WFDC1: variants seen among roughly 807,000 people sequenced by gnomAD.
WFDC1 encodes WAP four-disulfide core domain protein 1.
WFDC1 carries 39 observed loss-of-function variants against 32.9 expected under a neutral mutation model. The ratio of observed to expected loss-of-function variants is 1.19; its 90% confidence interval spans 0.92 to 1.55. The LOEUF is 1.55. Ranked by LOEUF, WFDC1 falls within the 40% of genes most tolerant of loss-of-function variation. The pLI is 0.00. For missense variants in WFDC1, 386 were observed against 309.5 expected (o/e 1.25, Z -1.85); for synonymous variants, 184 against 137.4 (o/e 1.34, Z -2.37).
At chr16:84,311,798 G>T (rs1223241544) in intron 1 of WFDC1, among the ~76,000 whole-genome samples, 18 of 149,402 alleles carry the variant, frequency 1.2e-4, no homozygotes, top group African/African-American at 4.5e-4. Context: ...TTGACTTCTG[G>T]AAATGCTGGG....
chr16:84,321,574 A>G (rs1385418139), intron 4 of WFDC1, among the ~76,000 whole-genome samples: 2 of 152,236 alleles, frequency 1.3e-5, no homozygotes, highest in African/African-American at 4.8e-5. Context: ...TATGATGTCT[A>G]AGACCAAGGT....
At chr16:84,301,327 G>A (rs951614090) in intron 1 of WFDC1, among the ~76,000 whole-genome samples, 5 of 152,222 alleles carry the variant, frequency 3.3e-5, no homozygotes, top group Admixed American at 1.3e-4. Context: ...AAGGGAGTCA[G>A]CTTCTGTTGG....
chr16:84,318,381 C>T (rs748839791), intron 3 of WFDC1, 26 bp downstream of exon 3: 1 of 1,610,714 alleles, frequency 6.2e-7, no homozygotes, highest in Admixed American at 1.7e-5. Flanking sequence ...AGCCCAGACC[C>T]TACATCCAAG....
intron 1 of WFDC1, among the ~76,000 whole-genome samples, chr16:84,299,803 A>G (rs760263424): frequency 3.3e-5 from 5 of 152,212 alleles, no homozygotes; most frequent in Non-Finnish European, 7.3e-5. Flanking sequence ...CTGCCCAGAG[A>G]TGCCTGTCCT....
rs528183834 is a variant in WFDC1 at position 84,316,218 on chromosome 16, C to A, written c.338-2054C>A. The A allele has an allele frequency of 2.6e-5, 4 of 152,298 alleles. No homozygotes were observed. In the Middle Eastern group the frequency reaches 0.014, roughly 518 times the overall value. The allele number at this position is 152,298 out of a possible 1,614,324, so 9.4% of individuals were successfully genotyped here. A position where few individuals can be genotyped will look rare whatever the true frequency, so the allele number is the denominator to read the frequency against. ...TTTTGGAGGTCACAGACTGCTGGCT[C>A]CTTTCTCTGCTGTTCCAACTTCCAT... On this transcript the variant is annotated intron_variant, in intron 2 of 6. Transcript: ENST00000219454.
chr16:84,326,164 C>G (rs1908588607), intron 5 of WFDC1: 1 of 151,278 alleles, frequency 6.6e-6, no homozygotes, highest in African/African-American at 2.4e-5. Flanking sequence ...TATCCACCCA[C>G]CCATATATCC....
intron 1 of WFDC1, 147 bp from the exon 2 acceptor site, chr16:84,312,813 AG>A (rs1298220509): frequency 3.0e-6 from 1 of 329,126 alleles, no homozygotes; most frequent in Non-Finnish European, 4.8e-6. Context: ...CCGCCCTCCG[AG>A]GCTGGCTCTG....
chr16:84,319,245 C>G, intron 3 of WFDC1, 186 bp from the exon 4 acceptor site: 1 of 666,502 alleles, frequency 1.5e-6, no homozygotes, highest in South Asian at 2.0e-5. Flanking sequence ...TGGGTGTGCA[C>G]GTGTGCCACA....
intron 1 of WFDC1, among the ~76,000 whole-genome samples, chr16:84,310,131 T>A (rs564110870): frequency 6.6e-6 from 1 of 151,744 alleles, no homozygotes; most frequent in African/African-American, 2.4e-5. Flanking sequence ...GGTCGCTCAC[T>A]GGTTAAATGC....
intron 2 of WFDC1, 52 bp downstream of exon 2, chr16:84,313,205 A>T: frequency 7.4e-7 from 1 of 1,358,548 alleles, no homozygotes; most frequent in Non-Finnish European, 9.4e-7. Flanking sequence ...AGGTGAACAG[A>T]GCTGTCCCGG....
chr16:84,324,404 T>C lies in WFDC1; in HGVS notation c.563-15T>C. The C allele has an allele frequency of 6.2e-7, 1 of 1,613,156 alleles. No individual in the cohort carries two copies. The highest frequency in any genetic ancestry group is 8.5e-7 in the Non-Finnish European group (1 of 1,179,758). On this transcript the variant is annotated splice_polypyrimidine_tract_variant and intron_variant, in intron 4 of 6. Coordinates refer to ENST00000219454, the MANE Select transcript of WFDC1 (RefSeq NM_021197.4). ...AACTCCTAAAAGAAGTTTTTTCCTC[T>C]CACTTGTTTTCCAGATGGGCGAATC...
chr16:84,304,497 G>A (rs1254684729), intron 1 of WFDC1, among the ~76,000 whole-genome samples: 1 of 151,820 alleles, frequency 6.6e-6, no homozygotes, highest in Non-Finnish European at 1.5e-5. Flanking sequence ...CAAAGTGCTG[G>A]GATTATAGGT....
At chr16:84,309,159 A>G (rs938181044) in intron 1 of WFDC1, among the ~76,000 whole-genome samples, 1 of 152,134 alleles carries the variant, frequency 6.6e-6, no homozygotes, top group African/African-American at 2.4e-5. Flanking sequence ...GAAGAGATGA[A>G]TGTGCTTGGA....
chr16:84,300,854 C>G (rs1048465826), intron 1 of WFDC1, among the ~76,000 whole-genome samples: 3 of 152,078 alleles, frequency 2.0e-5, no homozygotes, highest in African/African-American at 7.2e-5. Flanking sequence ...CCTGTAATCA[C>G]AGCTACTCAG....
At chr16:84,322,412 A>C (rs1223679359) in intron 4 of WFDC1, among the ~76,000 whole-genome samples, 1 of 152,214 alleles carries the variant, frequency 6.6e-6, no homozygotes, top group Non-Finnish European at 1.5e-5. Context: ...CCAAGGAAGA[A>C]GCTTTTTATT....
rs557042794 is a variant in WFDC1 at position 84,309,539 on chromosome 16, G to A, written c.145-3422G>A. On this transcript the variant is annotated intron_variant, in intron 1 of 6. Transcript: ENST00000219454. ...ATTTATAGAATGTGCCTGGCAGAGG[G>A]ACAGATATCAAGTTTCCAGGGGCCG... 2.6e-5 allele frequency among the ~76,000 whole-genome samples: 4 copies of A among 152,216 alleles called. No homozygotes were observed. In the South Asian group the frequency reaches 6.2e-4, roughly 24 times the overall value.
At chr16:84,311,872 C>T (rs544064825) in intron 1 of WFDC1, among the ~76,000 whole-genome samples, 1 of 151,918 alleles carries the variant, frequency 6.6e-6, no homozygotes, top group East Asian at 1.9e-4. Context: ...TTTATTAAAA[C>T]ATAATACTTC....
At chr16:84,299,739 T>G (rs1423059593) in intron 1 of WFDC1, among the ~76,000 whole-genome samples, 1 of 152,206 alleles carries the variant, frequency 6.6e-6, no homozygotes. Flanking sequence ...TGGGTCTGTT[T>G]TCCCCTCTAA....
intron 5 of WFDC1, among the ~76,000 whole-genome samples, chr16:84,325,151 C>T (rs1908517664): frequency 6.6e-6 from 1 of 152,044 alleles, no homozygotes; most frequent in Non-Finnish European, 1.5e-5. Flanking sequence ...TTCATCTATC[C>T]ATCCATCCAT....
Sources: allele counts gnomAD v4.1 joint callset (sites outside exome capture counted in the v4.1 genomes callset), GRCh38; gene constraint gnomAD v4.1.1; transcripts MANE v1.5; gene names NCBI Gene and HGNC (gene_info 2026-07-23, HGNC 2026-07-21).